The following DLG2 variants were observed in gnomAD, a reference collection of about 807,000 sequenced individuals.
The protein encoded by DLG2 is discs large MAGUK scaffold protein 2.
Under a neutral mutation model 132.5 loss-of-function variants are expected in DLG2, and 45 were observed. The observed-to-expected ratio is 0.34, with a 90% CI of 0.27 to 0.44. DLG2 has a LOEUF of 0.44. DLG2 is among the 20% of genes least tolerant of loss of function. The pLI, the probability that DLG2 is intolerant of heterozygous loss-of-function variation, is 1.00. For synonymous variants in DLG2, 424 were observed against 419.6 expected (o/e 1.01, Z -0.13); for missense variants, 1,045 against 1,196.9 (o/e 0.87, Z 1.87).
intron 9 of DLG2, among the ~76,000 whole-genome samples, chr11:84,134,152 T>C (rs904494590): frequency 6.6e-6 from 1 of 152,036 alleles, no homozygotes; most frequent in African/African-American, 2.4e-5. Flanking sequence ...AGGAATGGGG[T>C]GACTGCCTAG....
intron 7 of DLG2, among the ~76,000 whole-genome samples, chr11:84,363,169 CTGT>C (rs1439977624): frequency 3.9e-5 from 6 of 151,948 alleles, no homozygotes; most frequent in Admixed American, 2.6e-4. Context: ...TCTCCAGCAC[CTGT>C]TGTTTCCTGA....
chr11:84,943,654 T>C (rs1276276050), intron 6 of DLG2, among the ~76,000 whole-genome samples: 13 of 152,206 alleles, frequency 8.5e-5, no homozygotes, highest in African/African-American at 2.9e-4. Context: ...CCCCGATTTT[T>C]AACTTTTTAT....
At chr11:84,185,439 T>A (rs1403787058) in intron 8 of DLG2, among the ~76,000 whole-genome samples, 2 of 152,204 alleles carry the variant, frequency 1.3e-5, no homozygotes, top group African/African-American at 4.8e-5. Context: ...GAGACTTTGC[T>A]GAAGTTGCTT....
intron 6 of DLG2, among the ~76,000 whole-genome samples, chr11:84,946,486 G>A (rs2050212214): frequency 6.6e-6 from 1 of 152,102 alleles, no homozygotes; most frequent in African/African-American, 2.4e-5. Context: ...TTATGGCCCA[G>A]GATGTGTCCA....
At chr11:85,291,921 A>G (rs1412706252) in intron 3 of DLG2, among the ~76,000 whole-genome samples, 1 of 152,136 alleles carries the variant, frequency 6.6e-6, no homozygotes, top group Admixed American at 6.6e-5. Context: ...AAGAGACGGT[A>G]AGATGTGCTT....
intron 6 of DLG2, among the ~76,000 whole-genome samples, chr11:84,691,336 G>A (rs748396399): frequency 1.7e-4 from 26 of 151,658 alleles, no homozygotes; most frequent in African/African-American, 1.7e-4. Context: ...ACATTTGTAC[G>A]TGTTTAGAAC....
chr11:84,796,005 G>A (rs1286515202), intron 6 of DLG2, among the ~76,000 whole-genome samples: 1 of 152,192 alleles, frequency 6.6e-6, no homozygotes, highest in Non-Finnish European at 1.5e-5. Context: ...TCTGTGCCTG[G>A]CTCAACCTGG....
intron 6 of DLG2, among the ~76,000 whole-genome samples, chr11:84,552,017 C>T (rs1310743384): frequency 6.6e-6 from 1 of 152,030 alleles, no homozygotes; most frequent in African/African-American, 2.4e-5. Context: ...AGAGTGAAGG[C>T]CAAGATGGTT....
At chr11:83,547,741 T>C (rs2096276715) in intron 19 of DLG2, among the ~76,000 whole-genome samples, 1 of 152,190 alleles carries the variant, frequency 6.6e-6, no homozygotes, top group Admixed American at 6.5e-5. Context: ...TACAGAACTA[T>C]AAGATAATAA....
At chr11:83,819,920 G>C (rs2050274679) in intron 17 of DLG2, among the ~76,000 whole-genome samples, 1 of 151,628 alleles carries the variant, frequency 6.6e-6, no homozygotes, top group Non-Finnish European at 1.5e-5. Context: ...GGTTTCTTAT[G>C]TTTAAATACA....
At chr11:84,054,918 GATTT>G (rs1444703724) in intron 11 of DLG2, among the ~76,000 whole-genome samples, 2 of 151,760 alleles carry the variant, frequency 1.3e-5, no homozygotes, top group Non-Finnish European at 2.9e-5. Context: ...CTATAAAATA[GATTT>G]ATTAAATGCA....
intron 7 of DLG2, among the ~76,000 whole-genome samples, chr11:84,388,100 C>T (rs2098778197): frequency 6.6e-6 from 1 of 152,156 alleles, no homozygotes; most frequent in Non-Finnish European, 1.5e-5. Context: ...CAACCATACA[C>T]TGGGGACGTA....
chr11:85,384,493 C>T (rs1407417810), intron 3 of DLG2, among the ~76,000 whole-genome samples: 3 of 152,212 alleles, frequency 2.0e-5, no homozygotes, highest in Non-Finnish European at 2.9e-5. Context: ...TAGAGTCATA[C>T]TCACCTTGGT....
At chr11:83,780,474 T>G (rs552149637) in intron 18 of DLG2, among the ~76,000 whole-genome samples, 49 of 152,248 alleles carry the variant, frequency 3.2e-4, no homozygotes, top group Non-Finnish European at 4.6e-4. Flanking sequence ...TGCATTAAAG[T>G]GTGGTAAGCT....
intron 7 of DLG2, among the ~76,000 whole-genome samples, chr11:84,417,315 T>A (rs999128769): frequency 1.3e-5 from 2 of 152,222 alleles, no homozygotes; most frequent in African/African-American, 4.8e-5. Context: ...TAATAGTATC[T>A]GTCCACAGAA....
intron 6 of DLG2, among the ~76,000 whole-genome samples, chr11:85,079,312 T>C (rs1028367838): frequency 2.6e-5 from 4 of 151,992 alleles, no homozygotes; most frequent in African/African-American, 7.2e-5. Context: ...TTAAGGTCTC[T>C]GTTTTAATGT....
chr11:84,973,215 T>C (rs1378511885), intron 6 of DLG2, among the ~76,000 whole-genome samples: 1 of 152,168 alleles, frequency 6.6e-6, no homozygotes, highest in East Asian at 1.9e-4. Context: ...TGCCTCAGCC[T>C]CCCAAAGTGC....
chr11:85,064,323 C>G (rs1193992723), intron 6 of DLG2, among the ~76,000 whole-genome samples: 2 of 151,770 alleles, frequency 1.3e-5, no homozygotes, highest in Non-Finnish European at 2.9e-5. Context: ...AATGAATACA[C>G]TGAAAGGTCA....
intron 6 of DLG2, among the ~76,000 whole-genome samples, chr11:84,558,678 C>CA (rs2099416840): frequency 6.6e-6 from 1 of 152,136 alleles, no homozygotes; most frequent in African/African-American, 2.4e-5. Flanking sequence ...TCCCTATACA[C>CA]ACACCACTTT....
Sources: gnomAD v4.1 joint callset for allele counts (sites outside exome capture counted in the v4.1 genomes callset) on GRCh38, gnomAD v4.1.1 for gene constraint, MANE v1.5 for transcripts, NCBI Gene and HGNC (gene_info 2026-07-23, HGNC 2026-07-21) for gene names.